The following SCYL2 variants were observed in gnomAD, a reference collection of about 807,000 sequenced individuals.
SCYL2 encodes the protein SCY1-like protein 2.
A neutral mutation model predicts 100.4 loss-of-function variants in SCYL2; 36 were observed. The observed-to-expected ratio is 0.36, with a 90% CI of 0.27 to 0.47. The LOEUF is 0.47. Among genes scored for constraint, SCYL2 ranks in the 20% least tolerant of loss-of-function variants. The pLI is 1.00. For missense variants in SCYL2, 902 were observed against 1,083.9 expected, an observed-to-expected ratio of 0.83 and a Z score of 2.36; for synonymous variants, 330 against 359.2, an observed-to-expected ratio of 0.92 and a Z score of 0.92.
At chr12:100,278,618 T>C (rs934942927) in intron 1 of SCYL2, among the ~76,000 whole-genome samples, 1 of 150,054 alleles carries the variant, frequency 6.7e-6, no homozygotes, top group Non-Finnish European at 1.5e-5. Flanking sequence ...TTCTGCCAAA[T>C]TTGGGGAAAT....
At chr12:100,269,226 C>T (rs1247344047) in intron 1 of SCYL2, among the ~76,000 whole-genome samples, 4 of 152,140 alleles carry the variant, frequency 2.6e-5, no homozygotes, top group Admixed American at 2.0e-4. Flanking sequence ...TGCTTTCTGA[C>T]ATTCCCTTTC....
chr12:100,277,886 T>C (rs2096294167), intron 1 of SCYL2, among the ~76,000 whole-genome samples: 2 of 152,134 alleles, frequency 1.3e-5, no homozygotes, highest in African/African-American at 2.4e-5. Flanking sequence ...TTTGTTGTTA[T>C]TTTTATTTTG....
In SCYL2 at chr12:100,267,202, T is replaced by A; in HGVS notation, c.-619T>A. On this transcript the variant is annotated 5_prime_UTR_variant, in exon 1 of 18. Transcript: ENST00000360820. ...AGTCTTTTTCCCCCTCCCTTACTCT[T>A]CGTCCCCGGTCCCTCCCCTCCCCAC... is the stretch of plus-strand genomic sequence containing the variant. The A allele has an allele frequency of 9.9e-7, 1 of 1,008,374 alleles. No individual in the cohort carries two copies. Among genetic ancestry groups the A allele is most frequent in the Non-Finnish European group, 1.4e-6 (1 of 702,580 alleles). The allele number at this position is 1,008,374 out of a possible 1,614,324, so 62.5% of individuals were successfully genotyped here.
intron 4 of SCYL2, among the ~76,000 whole-genome samples, chr12:100,309,268 G>A (rs1438105718): frequency 1.3e-5 from 2 of 152,030 alleles, no homozygotes; most frequent in East Asian, 1.9e-4. Flanking sequence ...ATTTGAGTCC[G>A]TTCATTAAGT....
Position 100,309,140 on chromosome 12 carries a change from G to A in SCYL2, c.481-1904G>A, listed in dbSNP as rs114613797. Among the ~76,000 whole-genome samples, 245 of 152,038 alleles carry A rather than the reference G, an allele frequency of 1.6e-3. 1 individual carries two copies. The highest frequency in any genetic ancestry group is 5.5e-3 in the African/African-American group (229 of 41,464). On this transcript the variant is annotated intron_variant, in intron 4 of 17. Transcript: ENST00000360820. ...TGTGTGTGTGTGTGTGTGTGCGCGC[G>A]CGTGTGTGCAGCTAGTTTTTAAAAT...
Position 100,341,566 on chromosome 12 carries a change from C to T in SCYL2, c.*2394C>T, listed in dbSNP as rs752984390. On this transcript the variant is annotated 3_prime_UTR_variant, in exon 18 of 18. Coordinates refer to ENST00000360820, the MANE Select transcript of SCYL2 (RefSeq NM_017988.6). ...TTATTTTGGAATGCTTATAAGCCTCCTTTACACTGAATAAGGAAGTAGTTT... is the reference window on the plus strand; with the variant it reads ...TTATTTTGGAATGCTTATAAGCCTCTTTTACACTGAATAAGGAAGTAGTTT... 1.3e-5 allele frequency: 2 copies of T among 152,080 alleles called. No homozygotes were observed. The highest frequency in any genetic ancestry group is 6.5e-5 in the Admixed American group (1 of 15,274). 9.4% of individuals were successfully genotyped at this position (152,080 alleles called of 1,614,324 possible). A position where few individuals can be genotyped will look rare whatever the true frequency, so the allele number is the denominator to read the frequency against.
Position 100,338,929 on chromosome 12 carries a change from C to T in SCYL2, c.2547C>T (p.Pro849=). The change falls in exon 18 of 18, where the codon CCC becomes CCT. Residue 849 remains proline (P), a synonymous_variant. Transcript: ENST00000360820. ...ATAATCTCTTTGGCCCTCAGAAACC[C>T]AAAGTTAGCATGAACCAGTTATCAC... ...ALNNLFGPQK[P]KVSMNQLSQQ... is the part of the protein sequence containing the mutation. 1 of 1,614,094 alleles carries T rather than the reference C, an allele frequency of 6.2e-7. No individual in the cohort carries two copies. The highest frequency in any genetic ancestry group is 8.5e-7 in the Non-Finnish European group (1 of 1,179,974).
chr12:100,272,223 C>A (rs752505075), intron 1 of SCYL2, among the ~76,000 whole-genome samples: 42 of 152,124 alleles, frequency 2.8e-4, no homozygotes, highest in Non-Finnish European at 2.9e-4. Flanking sequence ...CCTTACATGA[C>A]TAAGAATTTC....
intron 4 of SCYL2, among the ~76,000 whole-genome samples, chr12:100,299,814 T>G (rs1022241319): frequency 1.3e-5 from 2 of 152,224 alleles, no homozygotes; most frequent in Non-Finnish European, 2.9e-5. Flanking sequence ...ATAAAGCTGC[T>G]ATGAACATTC....
intron 1 of SCYL2, among the ~76,000 whole-genome samples, chr12:100,277,190 C>T (rs2096293462): frequency 6.6e-6 from 1 of 152,120 alleles, no homozygotes; most frequent in African/African-American, 2.4e-5. Flanking sequence ...TGTTACGTGT[C>T]TACATGAAAA....
chr12:100,329,173 TA>T, intron 12 of SCYL2, 27 bp from the exon 13 acceptor site: 1 of 1,050,306 alleles, frequency 9.5e-7, no homozygotes, highest in Non-Finnish European at 1.5e-6. Flanking sequence ...TGTTAACTTA[TA>T]AAATTTGTCA....
At chr12:100,332,718 GTTT>G (rs375690956) in intron 13 of SCYL2, among the ~76,000 whole-genome samples, 1 of 140,062 alleles carries the variant, frequency 7.1e-6, no homozygotes. Flanking sequence ...TTTTATTTTT[GTTT>G]TTTTTTTTTT....
Position 100,323,565 on chromosome 12 carries a change from T to G in SCYL2, c.1436T>G (p.Ile479Arg). The G allele has an allele frequency of 6.2e-7, 1 of 1,605,396 alleles. No homozygotes were observed. The highest frequency in any genetic ancestry group is 8.5e-7 in the Non-Finnish European group (1 of 1,174,974). The change falls in exon 11 of 18, where the codon ATA (isoleucine) becomes AGA (arginine). Residue 479 changes from isoleucine to arginine, a missense_variant. Coordinates refer to ENST00000360820, the MANE Select transcript of SCYL2 (RefSeq NM_017988.6). ...ATCATTCCAACCTTTGCAAATCTTA[T>G]AGACTACCCATCCATGAAAAACGCT... ...LNIIPTFANL[I>R]DYPSMKNALI...
At position 100,340,841 on chromosome 12, in the gene SCYL2, T is replaced by G. The variant is rs1454879298; in HGVS notation, c.*1669T>G. On this transcript the variant is annotated 3_prime_UTR_variant, in exon 18 of 18. Transcript: ENST00000360820. Reference sequence around the variant, plus strand: ...AGATCAAATGTTTTTGTCAAATATATTCACAACTTGACCAGATTAGCTGTC... The same window carrying G: ...AGATCAAATGTTTTTGTCAAATATAGTCACAACTTGACCAGATTAGCTGTC... The G allele has an allele frequency of 6.6e-6, 1 of 152,092 alleles. No homozygotes were observed. The highest frequency in any genetic ancestry group is 1.5e-5 in the Non-Finnish European group (1 of 67,930). 9.4% of individuals were successfully genotyped at this position (152,092 alleles called of 1,614,324 possible).
At chr12:100,275,906 G>T (rs1566340920) in intron 1 of SCYL2, among the ~76,000 whole-genome samples, 2 of 117,622 alleles carry the variant, frequency 1.7e-5, no homozygotes, top group Non-Finnish European at 2.2e-5. Context: ...AATTTTGTCA[G>T]TTTTTTTTCT....
intron 10 of SCYL2, among the ~76,000 whole-genome samples, chr12:100,320,319 C>T (rs575047438): frequency 1.3e-3 from 196 of 152,066 alleles, no homozygotes; most frequent in Admixed American, 1.8e-3. Flanking sequence ...CCAAGGCAGG[C>T]GGATCACCTG....
At chr12:100,321,400 G>A (rs1264422100) in intron 10 of SCYL2, among the ~76,000 whole-genome samples, 1 of 152,084 alleles carries the variant, frequency 6.6e-6, no homozygotes, top group Non-Finnish European at 1.5e-5. Flanking sequence ...CTCATAAACT[G>A]CCTGAGATGT....
chr12:100,328,731 A>G (rs564259175), intron 12 of SCYL2, among the ~76,000 whole-genome samples: 8 of 152,338 alleles, frequency 5.3e-5, no homozygotes, highest in African/African-American at 1.9e-4. Flanking sequence ...AATTGAATTC[A>G]GTTATTAAAT....
chr12:100,311,974 A>G (rs1352006702), intron 5 of SCYL2, among the ~76,000 whole-genome samples: 1 of 152,152 alleles, frequency 6.6e-6, no homozygotes, highest in Non-Finnish European at 1.5e-5. Flanking sequence ...ACTAACTAGT[A>G]TTGGTTGGAT....
Sources: allele counts gnomAD v4.1 joint callset (sites outside exome capture counted in the v4.1 genomes callset), GRCh38; gene constraint gnomAD v4.1.1; transcripts MANE v1.5; gene names NCBI Gene and HGNC (gene_info 2026-07-23, HGNC 2026-07-21).